The following PTPRN2 variants were observed in gnomAD, a reference collection of about 807,000 sequenced individuals.
PTPRN2 encodes the protein receptor-type tyrosine-protein phosphatase N2.
A neutral mutation model predicts 118.8 loss-of-function variants in PTPRN2; 74 were observed. The observed-to-expected ratio is 0.62, with a 90% CI of 0.52 to 0.76. The LOEUF is 0.76. PTPRN2 is among the 30% of genes least tolerant of loss of function. PTPRN2 has a pLI of 0.00. For missense variants in PTPRN2, 1,481 were observed against 1,394.4 expected, an observed-to-expected ratio of 1.06 and a Z score of -0.99; for synonymous variants, 641 against 608.0, an observed-to-expected ratio of 1.05 and a Z score of -0.80.
At chr7:158,419,387 T>TCACTGCAAGAATTCCG (rs1563271075) in intron 2 of PTPRN2, among the ~76,000 whole-genome samples, 17 of 3,390 alleles carry the variant, frequency 5.0e-3, no homozygotes, top group Admixed American at 0.044. Context: ...CAAGAATTCC[T>TCACTGCAAGAATTCCG]TCACTGCAAG....
At chr7:158,407,606 CGTCCTGG>C (rs1409917070) in intron 2 of PTPRN2, among the ~76,000 whole-genome samples, 289 of 17,200 alleles carry the variant, frequency 0.017, 13 homozygotes, top group South Asian at 0.03. Context: ...CTGCGTCCTG[CGTCCTGG>C]GTCCTGGGTC....
chr7:157,666,162 G>C (rs1796128739), intron 13 of PTPRN2, among the ~76,000 whole-genome samples: 1 of 151,986 alleles, frequency 6.6e-6, no homozygotes, highest in Non-Finnish European at 1.5e-5. Flanking sequence ...AAAAATTCCA[G>C]GTACAAAGGG....
At chr7:157,716,398 A>G (rs186765391) in intron 12 of PTPRN2, among the ~76,000 whole-genome samples, 1 of 94,828 alleles carries the variant, frequency 1.1e-5, no homozygotes, top group African/African-American at 5.0e-5. Context: ...GCCTGGCCAC[A>G]CAGACTCTGC....
chr7:157,778,340 A>G (rs887435157), intron 12 of PTPRN2, among the ~76,000 whole-genome samples: 1 of 152,244 alleles, frequency 6.6e-6, no homozygotes, highest in African/African-American at 2.4e-5. Context: ...GCCCACGTAC[A>G]TGTGATTACA....
chr7:157,895,276 G>A (rs1012016626), intron 12 of PTPRN2, among the ~76,000 whole-genome samples: 1 of 151,228 alleles, frequency 6.6e-6, no homozygotes, highest in African/African-American at 2.4e-5. Flanking sequence ...AAATAAGCCA[G>A]AGGATCTGGA....
At chr7:158,456,968 C>A (rs1328740060) in intron 2 of PTPRN2, among the ~76,000 whole-genome samples, 1 of 152,148 alleles carries the variant, frequency 6.6e-6, no homozygotes, top group Non-Finnish European at 1.5e-5. Context: ...CCCAGTATCA[C>A]ACCAGCAACA....
At chr7:158,291,685 T>C (rs1228760812) in intron 3 of PTPRN2, among the ~76,000 whole-genome samples, 4 of 152,238 alleles carry the variant, frequency 2.6e-5, no homozygotes, top group Non-Finnish European at 4.4e-5. Flanking sequence ...TGAGGCTGAA[T>C]ACAGTGTTAA....
At chr7:158,273,871 C>T (rs1443685267) in intron 3 of PTPRN2, among the ~76,000 whole-genome samples, 6 of 115,424 alleles carry the variant, frequency 5.2e-5, no homozygotes, top group Admixed American at 9.4e-5. Flanking sequence ...AGGAGACACA[C>T]GAGGAGCCGC....
intron 11 of PTPRN2, among the ~76,000 whole-genome samples, chr7:158,014,791 A>T (rs1177044572): frequency 6.6e-6 from 1 of 150,574 alleles, no homozygotes; most frequent in Non-Finnish European, 1.5e-5. Context: ...CCCTCCACAC[A>T]TTCATCCATC....
chr7:158,308,788 A>G (rs1365460766), intron 3 of PTPRN2, among the ~76,000 whole-genome samples: 1 of 152,188 alleles, frequency 6.6e-6, no homozygotes, highest in Non-Finnish European at 1.5e-5. Flanking sequence ...GAATGAAAAG[A>G]CATTATTACT....
intron 12 of PTPRN2, among the ~76,000 whole-genome samples, chr7:157,724,200 T>C (rs1235047147): frequency 6.6e-6 from 1 of 152,150 alleles, no homozygotes; most frequent in East Asian, 1.9e-4. Context: ...GCTTCCCCCG[T>C]CTGAATTGCG....
At position 158,546,564 on chromosome 7, in the gene PTPRN2, C is replaced by A. The variant is rs1035916885; in HGVS notation, c.112+40994G>T. On this transcript the variant is annotated intron_variant, in intron 1 of 22. Transcript: ENST00000389418. This position sits in a 1 kb window ranked among gnomAD's most constrained non-coding sequence, Gnocchi z 5.0. ...AATCCCTACCAGCAGCCAGGAAGCACCCTGGGAAGCCCATCGCCTGTTGCC... is the reference window on the plus strand; with the variant it reads ...AATCCCTACCAGCAGCCAGGAAGCAACCTGGGAAGCCCATCGCCTGTTGCC... Among the ~76,000 whole-genome samples, 2 of 152,186 alleles carry A rather than the reference C, an allele frequency of 1.3e-5. No homozygotes were observed. Among genetic ancestry groups the A allele is most frequent in the African/African-American group, 4.8e-5 (2 of 41,458 alleles).
chr7:157,878,452 C>G lies in PTPRN2; in HGVS notation c.1788+20221G>C, dbSNP rs185920740. ...ACCCACGCTTACTCACCGAGGAGCT[C>G]TCGGATTCCGTGGGGCTGGAAGGGT... On this transcript the variant is annotated intron_variant, in intron 12 of 22. Coordinates refer to ENST00000389418, the MANE Select transcript of PTPRN2 (RefSeq NM_002847.5). 3.3e-3 allele frequency among the ~76,000 whole-genome samples: 472 copies of G among 144,678 alleles called. 16 individuals carry two copies. Among genetic ancestry groups the G allele is most frequent in the African/African-American group, 0.012 (448 of 37,880 alleles). 94.9% of individuals were successfully genotyped at this position (144,678 alleles called of 152,430 possible). A position where few individuals can be genotyped will look rare whatever the true frequency, so the allele number is the denominator to read the frequency against.
chr7:158,223,962 C>T (rs1015906120), intron 3 of PTPRN2, among the ~76,000 whole-genome samples: 5 of 152,150 alleles, frequency 3.3e-5, no homozygotes, highest in African/African-American at 9.6e-5. Context: ...CTAATAAGTT[C>T]TTGTACTATA....
rs192058478 is a variant in PTPRN2, at chr7:157,985,581, A to G, written c.1724-86844T>C. The stretch of plus-strand genomic sequence containing the variant: ...AGAGATGAAAATGTAGTTATACCAT[A>G]TATGATCCCTGCTTGGAGACTATAC... On this transcript the variant is annotated intron_variant, in intron 11 of 22. Coordinates refer to ENST00000389418, the MANE Select transcript of PTPRN2 (RefSeq NM_002847.5). Among the ~76,000 whole-genome samples, 12 of 152,350 alleles carry G rather than the reference A, an allele frequency of 7.9e-5. No individual in the cohort carries two copies. In the East Asian group the frequency reaches 1.7e-3, roughly 22 times the overall value.
intron 2 of PTPRN2, among the ~76,000 whole-genome samples, chr7:158,334,582 C>T (rs1313592891): frequency 9.4e-6 from 1 of 106,100 alleles, no homozygotes; most frequent in South Asian, 3.6e-4. Flanking sequence ...CCACAGAGGT[C>T]ACTCACACCC....
At chr7:157,584,443 C>T (rs1236258718) in intron 17 of PTPRN2, among the ~76,000 whole-genome samples, 2 of 152,164 alleles carry the variant, frequency 1.3e-5, no homozygotes, top group Non-Finnish European at 2.9e-5. Context: ...AAAAAGATAA[C>T]CGAAAGAAAA....
chr7:158,494,621 G>A (rs569354785), intron 1 of PTPRN2, among the ~76,000 whole-genome samples: 5 of 152,314 alleles, frequency 3.3e-5, no homozygotes, highest in African/African-American at 1.2e-4. Context: ...GGGGCTCACT[G>A]AAGACCCTGC....
rs901505062 is a variant in PTPRN2, at chr7:157,631,335, A to G, written c.2197-9826T>C. Among the ~76,000 whole-genome samples, 7 of 152,216 alleles carry G rather than the reference A, an allele frequency of 4.6e-5. No individual in the cohort carries two copies. In the East Asian group the frequency reaches 1.2e-3, roughly 25 times the overall value. ...GCAGGAACAAAGCGTAGAAGGGGAA[A>G]CAACGTGTGGTGCGTGTTGGTTTTG... On this transcript the variant is annotated intron_variant, in intron 14 of 22. Coordinates refer to ENST00000389418, the MANE Select transcript of PTPRN2 (RefSeq NM_002847.5).
Sources: gnomAD v4.1 joint callset for allele counts (sites outside exome capture counted in the v4.1 genomes callset) on GRCh38, gnomAD v4.1.1 for gene constraint, Gnocchi (gnomAD v3.1) non-coding constraint, MANE v1.5 for transcripts, NCBI Gene and HGNC (gene_info 2026-07-23, HGNC 2026-07-21) for gene names.